Variants in CACNA2D2 observed in about 807,000 individuals in gnomAD.
CACNA2D2 encodes the protein calcium voltage-gated channel auxiliary subunit alpha2delta 2, also known as voltage-dependent calcium channel subunit alpha-2/delta-2.
CACNA2D2 carries 48 observed loss-of-function variants against 166.4 expected under a neutral mutation model. That is an observed-to-expected ratio of 0.29 (90% CI 0.23 to 0.37). The LOEUF is 0.37. CACNA2D2 is among the 10% of genes least tolerant of loss of function. The probability of loss-of-function intolerance (pLI) is 1.00; values close to 1 mark genes in which losing one functional copy is unlikely to be tolerated. For missense variants in CACNA2D2, 1,122 were observed against 1,433.0 expected (o/e 0.78, Z 3.50); for synonymous variants, 561 against 573.7 (o/e 0.98, Z 0.32).
intron 3 of CACNA2D2, among the ~76,000 whole-genome samples, chr3:50,395,039 T>G (rs1170007192): frequency 6.6e-6 from 1 of 152,086 alleles, no homozygotes; most frequent in Non-Finnish European, 1.5e-5. Context: ...TTTGGTACTT[T>G]CTAAGGATCC....
At chr3:50,423,819 A>C (rs1012950240) in intron 3 of CACNA2D2, among the ~76,000 whole-genome samples, 2 of 152,250 alleles carry the variant, frequency 1.3e-5, no homozygotes, top group African/African-American at 4.8e-5. Flanking sequence ...GAGCAGCTGG[A>C]TACTTTGGCC....
chr3:50,428,319 G>T (rs1283654588), intron 3 of CACNA2D2, among the ~76,000 whole-genome samples: 1 of 152,120 alleles, frequency 6.6e-6, no homozygotes, highest in Non-Finnish European at 1.5e-5. Flanking sequence ...CTTTAGATAA[G>T]GCTTTAGAAA....
intron 3 of CACNA2D2, among the ~76,000 whole-genome samples, chr3:50,406,090 C>G (rs1260423994): frequency 6.6e-6 from 1 of 151,832 alleles, no homozygotes; most frequent in Non-Finnish European, 1.5e-5. Context: ...CTGCCCCTGC[C>G]CCCTGGTCTG....
chr3:50,395,917 A>G (rs1259979211), intron 3 of CACNA2D2, among the ~76,000 whole-genome samples: 1 of 151,734 alleles, frequency 6.6e-6, no homozygotes, highest in Non-Finnish European at 1.5e-5. Context: ...TTGGGGTCAA[A>G]CCCTCTCACC....
intron 2 of CACNA2D2, among the ~76,000 whole-genome samples, chr3:50,457,781 CTCT>C (rs1709426298): frequency 6.6e-6 from 1 of 152,238 alleles, no homozygotes; most frequent in Non-Finnish European, 1.5e-5. Context: ...ATTTCTGAGG[CTCT>C]TCTTTTTGTT....
intron 3 of CACNA2D2, among the ~76,000 whole-genome samples, chr3:50,429,475 G>C: frequency 6.6e-6 from 1 of 151,224 alleles, no homozygotes; most frequent in East Asian, 2.0e-4. Context: ...AACTCTGGCC[G>C]GGCGCGGTGG....
rs1240373229 is a variant in CACNA2D2, at chr3:50,417,111, G to GAT, written c.405+17201_405+17202insAT. ...ATGCCCACATGAGAGCCTGTGAGAT[G>GAT]AGACTGTTGGTGCAGCAGGAACTTT... On this transcript the variant is annotated intron_variant, in intron 3 of 37. Transcript: ENST00000424201. Among the ~76,000 whole-genome samples the GAT allele has an allele frequency of 5.9e-5, 9 of 152,300 alleles. No individual in the cohort carries two copies. The East Asian group carries it at 1.5e-3, about 26-fold the overall frequency.
At chr3:50,412,318 C>G (rs1707055176) in intron 3 of CACNA2D2, among the ~76,000 whole-genome samples, 1 of 152,258 alleles carries the variant, frequency 6.6e-6, no homozygotes, top group African/African-American at 2.4e-5. Context: ...GAGCCACCAC[C>G]CCAATGGTGG....
At position 50,381,971 on chromosome 3, in the gene CACNA2D2, GATCT is replaced by G. The variant is rs1023475957; in HGVS notation, c.653-849_653-846del. On this transcript the variant is annotated intron_variant, in intron 6 of 37. Transcript: ENST00000424201. ...TTGCACGTGTGTGATCCCCTGTCCAGATCTATCCCTACACACACACACACACACA... is the reference window on the plus strand; with the variant it reads ...TTGCACGTGTGTGATCCCCTGTCCAGATCCCTACACACACACACACACACA... Among the ~76,000 whole-genome samples, 3 of 131,688 alleles carry G rather than the reference GATCT, an allele frequency of 2.3e-5. No homozygotes were observed. The Admixed American group carries it at 2.5e-4, about 11-fold the overall frequency. The allele number at this position is 131,688 out of a possible 152,430, so 86.4% of individuals were successfully genotyped here.
chr3:50,483,179 T>C (rs1698126518), intron 1 of CACNA2D2, among the ~76,000 whole-genome samples: 2 of 152,188 alleles, frequency 1.3e-5, no homozygotes, highest in Admixed American at 6.5e-5. Flanking sequence ...TGGCCCATCT[T>C]CAATCTATTT....
chr3:50,376,203 TG>T lies in CACNA2D2; in HGVS notation c.1627-16del, dbSNP rs774008260. ...TTGGCTCCAAGCTGGAGGCACAGATTGGGGGCTCAGGGTCTGGAGGGATGGG... is the reference window on the plus strand; with the variant it reads ...TTGGCTCCAAGCTGGAGGCACAGATTGGGGCTCAGGGTCTGGAGGGATGGG... On this transcript the variant is annotated splice_polypyrimidine_tract_variant and intron_variant, in intron 17 of 37. Transcript: ENST00000424201. The surrounding 1 kb of genome is among the most constrained non-coding windows in gnomAD (Gnocchi z 4.3). The T allele has an allele frequency of 1.2e-6, 2 of 1,612,956 alleles. No individual in the cohort carries two copies. Among genetic ancestry groups the T allele is most frequent in the Non-Finnish European group, 1.7e-6 (2 of 1,179,822 alleles).
chr3:50,500,344 G>C (rs911167213), intron 1 of CACNA2D2, among the ~76,000 whole-genome samples: 1 of 152,164 alleles, frequency 6.6e-6, no homozygotes, highest in Admixed American at 6.5e-5. Context: ...GCTCAGCCGG[G>C]TGCTCCACCC....
chr3:50,402,706 G>T (rs1467174652), intron 3 of CACNA2D2, among the ~76,000 whole-genome samples: 1 of 152,200 alleles, frequency 6.6e-6, no homozygotes, highest in African/African-American at 2.4e-5. Flanking sequence ...TGGCACCCCA[G>T]CATGAAACTT....
intron 2 of CACNA2D2, among the ~76,000 whole-genome samples, chr3:50,454,149 C>T (rs547451319): frequency 6.6e-6 from 1 of 152,360 alleles, no homozygotes; most frequent in East Asian, 1.9e-4. Flanking sequence ...CAGGCGCACC[C>T]ACAGGCACCA....
intron 1 of CACNA2D2, among the ~76,000 whole-genome samples, chr3:50,496,784 G>T (rs1698742338): frequency 6.6e-6 from 1 of 152,154 alleles, no homozygotes. Flanking sequence ...TCACACAGCT[G>T]TTGAGAGGTG....
intron 3 of CACNA2D2, among the ~76,000 whole-genome samples, chr3:50,421,344 A>T (rs1707553586): frequency 6.6e-6 from 1 of 152,104 alleles, no homozygotes; most frequent in African/African-American, 2.4e-5. Context: ...GTGGCAGGGA[A>T]AGGTCAGGGT....
rs771844125 is a variant in CACNA2D2, at chr3:50,380,000, C to T, written c.861G>A (p.Ser287=). ...RRRPWYIQGA[S]SPKDMVIIVD... ...CGATGATGACCATGTCTTTGGGTGA[C>T]GAGGCCCCCTGGATATACCTGCCCA... Residue 287 remains serine, a synonymous_variant, in exon 9 of 38, where the codon TCG becomes TCA. Coordinates refer to ENST00000424201, the MANE Select transcript of CACNA2D2 (RefSeq NM_006030.4). This position sits in a 1 kb window ranked among gnomAD's most constrained non-coding sequence, Gnocchi z 6.5. 22 of 1,614,048 alleles carry T rather than the reference C, an allele frequency of 1.4e-5. No individual in the cohort carries two copies. Among genetic ancestry groups the T allele is most frequent in the Middle Eastern group, 1.6e-4 (1 of 6,062 alleles).
At chr3:50,425,379 C>A (rs1045250378) in intron 3 of CACNA2D2, among the ~76,000 whole-genome samples, 20 of 152,192 alleles carry the variant, frequency 1.3e-4, no homozygotes, top group African/African-American at 4.8e-4. Flanking sequence ...CCTTCCAAGG[C>A]TCAGCTCAAA....
At position 50,418,928 on chromosome 3, in the gene CACNA2D2, C is replaced by T. The variant is rs151154112; in HGVS notation, c.405+15385G>A. ...GGAGATATGCAACCATGGGGAGCAG[C>T]GTCTCAGTGTGGGAGTTGGGGGATG... On this transcript the variant is annotated intron_variant, in intron 3 of 37. Transcript: ENST00000424201. Among the ~76,000 whole-genome samples the T allele has an allele frequency of 4.7e-3, 722 of 152,276 alleles. 9 individuals carry two copies. Among genetic ancestry groups the T allele is most frequent in the African/African-American group, 0.016 (664 of 41,558 alleles).
Sources: allele counts gnomAD v4.1 joint callset (sites outside exome capture counted in the v4.1 genomes callset), GRCh38; gene constraint gnomAD v4.1.1; non-coding constraint Gnocchi (gnomAD v3.1); transcripts MANE v1.5; gene names NCBI Gene and HGNC (gene_info 2026-07-23, HGNC 2026-07-21).